The following CLUH variants were observed in gnomAD, a reference collection of about 807,000 sequenced individuals.
CLUH encodes the protein CLUH binding protein of NUMT mRNA, also known as clustered mitochondria protein homolog.
A neutral mutation model predicts 139.3 loss-of-function variants in CLUH; 77 were observed. That is an observed-to-expected ratio of 0.55 (90% CI 0.46 to 0.67). The LOEUF (loss-of-function observed/expected upper bound fraction) is 0.67. Among genes scored for constraint, CLUH ranks in the 30% least tolerant of loss-of-function variants. The pLI, the probability that CLUH is intolerant of heterozygous loss-of-function variation, is 0.00. For missense variants in CLUH, 1,876 were observed against 1,875.8 expected (o/e 1.00, Z 0.00); for synonymous variants, 999 against 801.6 (o/e 1.25, Z -4.16).
chr17:2,708,103 C>T (rs2070400306), intron 1 of CLUH: 3 of 653,646 alleles, frequency 4.6e-6, no homozygotes, highest in Non-Finnish European at 5.7e-6. Context: ...GGCCAGGGCG[C>T]CTTCCCAGGG....
At chr17:2,709,605 G>A (rs953358907) in intron 1 of CLUH, among the ~76,000 whole-genome samples, 1 of 152,088 alleles carries the variant, frequency 6.6e-6, no homozygotes, top group Non-Finnish European at 1.5e-5. Context: ...TGAAAAACCT[G>A]CCTGTTCTCT....
rs2070276854 is a variant in CLUH at position 2,704,133 on chromosome 17, G to C, written c.303+229C>G. Among the ~76,000 whole-genome samples the C allele has an allele frequency of 6.6e-6, 1 of 152,160 alleles. No homozygotes were observed. Among genetic ancestry groups the C allele is most frequent in the Non-Finnish European group, 1.5e-5 (1 of 68,024 alleles). On this transcript the variant is annotated intron_variant, in intron 2 of 25. Transcript: ENST00000651024. This position sits in a 1 kb window ranked among gnomAD's most constrained non-coding sequence, Gnocchi z 5.7. The stretch of plus-strand genomic sequence containing the variant: ...CACTATCACTCCCCTCCCCACATAG[G>C]GCTGGCAGGCCCAGCTGGTTGCTGT...
rs1401933207 is a variant in CLUH at position 2,696,146 on chromosome 17, G to A, written c.2391+13C>T. ...CACACAAGCCCCACCCAGCCCCGCA[G>A]CCCCTCCCTCACCAAGCCAGGGATC... On this transcript the variant is annotated intron_variant, in intron 13 of 25. Transcript: ENST00000651024. 3.2e-6 allele frequency: 5 copies of A among 1,544,670 alleles called. No individual in the cohort carries two copies. Among genetic ancestry groups the A allele is most frequent in the Admixed American group, 3.9e-5 (2 of 51,276 alleles).
chr17:2,698,433 T>C lies in CLUH; in HGVS notation c.1424A>G (p.Lys475Arg), dbSNP rs777960112. The C allele has an allele frequency of 7.4e-5, 119 of 1,613,188 alleles. No homozygotes were observed. In the Admixed American group the frequency reaches 1.9e-3, roughly 26 times the overall value. Reference sequence around the variant, plus strand: ...GGCCGCCACGTCCCCCCCGAAGTCCTTGTAGTGGTCTCGGACGTCGAAGCC... The same window carrying C: ...GGCCGCCACGTCCCCCCCGAAGTCCCTGTAGTGGTCTCGGACGTCGAAGCC... ...SLGFDVRDHY[K>R]DFGGDVAAYV... Residue 475 changes from lysine to arginine, a missense_variant, in exon 10 of 26, where the codon AAG becomes AGG. By Grantham distance (26) the Lys-to-Arg change is conservative (BLOSUM62 2). Transcript: ENST00000651024.
chr17:2,704,864 G>A lies in CLUH; in HGVS notation c.101-300C>T, dbSNP rs1310671661. On this transcript the variant is annotated intron_variant, in intron 1 of 25. Coordinates refer to ENST00000651024, the MANE Select transcript of CLUH (RefSeq NM_001366661.1). This position sits in a 1 kb window ranked among gnomAD's most constrained non-coding sequence, Gnocchi z 5.7. ...CAAGCCAAGCCCGAGGGTCTCCTCC[G>A]GCCCTAACACACCTAGCTTCCCAGC... 2.0e-5 allele frequency among the ~76,000 whole-genome samples: 3 copies of A among 152,028 alleles called. No homozygotes were observed. The highest frequency in any genetic ancestry group is 2.9e-5 in the Non-Finnish European group (2 of 67,996).
chr17:2,701,132 G>C lies in CLUH; in HGVS notation c.1025+8C>G. On this transcript the variant is annotated splice_region_variant and intron_variant, in intron 7 of 25. Coordinates refer to ENST00000651024, the MANE Select transcript of CLUH (RefSeq NM_001366661.1). Reference sequence around the variant, plus strand: ...ATGAGACAAGGCGGGAGGGGACAAAGGCACTACCTTTTCTTCTGCAGCACA... The same window carrying C: ...ATGAGACAAGGCGGGAGGGGACAAACGCACTACCTTTTCTTCTGCAGCACA... 6.2e-7 allele frequency: 1 copy of C among 1,613,848 alleles called. No individual in the cohort carries two copies. Among genetic ancestry groups the C allele is most frequent in the Non-Finnish European group, 8.5e-7 (1 of 1,179,874 alleles).
At position 2,704,741 on chromosome 17, in the gene CLUH, C is replaced by T. The variant is rs1055617305; in HGVS notation, c.101-177G>A. Among the ~76,000 whole-genome samples, 7 of 152,220 alleles carry T rather than the reference C, an allele frequency of 4.6e-5. No homozygotes were observed. The highest frequency in any genetic ancestry group is 1.9e-4 in the East Asian group (1 of 5,154). Reference sequence around the variant, plus strand: ...CCTGCAGGCCACTTCCACACCCAGCCGCCCCTCCCAGCCACTGTTCCCTGG... The same window carrying T: ...CCTGCAGGCCACTTCCACACCCAGCTGCCCCTCCCAGCCACTGTTCCCTGG... On this transcript the variant is annotated intron_variant, in intron 1 of 25. Transcript: ENST00000651024. The surrounding 1 kb of genome is among the most constrained non-coding windows in gnomAD (Gnocchi z 5.7).
chr17:2,700,254 T>C (rs1390588171), intron 9 of CLUH, 128 bp downstream of exon 9: 1 of 788,398 alleles, frequency 1.3e-6, no homozygotes, highest in East Asian at 2.7e-5. Context: ...AGACGCTGAC[T>C]GGCCTTCGGG....
At chr17:2,701,056 C>A (rs1244663547) in intron 7 of CLUH, 84 bp downstream of exon 7, 9 of 1,602,964 alleles carry the variant, frequency 5.6e-6, no homozygotes, top group African/African-American at 5.3e-5. Context: ...TTTCTTCAGA[C>A]AGAAGCACTG....
At chr17:2,692,925 C>A in intron 19 of CLUH, 65 bp from the exon 20 acceptor site, 1 of 1,465,190 alleles carries the variant, frequency 6.8e-7, no homozygotes, top group Non-Finnish European at 9.1e-7. Flanking sequence ...GCCCGCCTGG[C>A]CCCGGCCCAG....
At chr17:2,702,846 C>T (rs140708212) in intron 3 of CLUH, among the ~76,000 whole-genome samples, 3,046 of 149,646 alleles carry the variant, frequency 0.02, 51 homozygotes, top group Middle Eastern at 0.041. Context: ...TTTTTTGAGA[C>T]GGAGTTTCGT....
In CLUH at chr17:2,698,260, C is replaced by G. The variant is rs767276034; in HGVS notation, c.1597G>C (p.Asp533His). The G allele has an allele frequency of 6.2e-7, 1 of 1,607,958 alleles. No homozygotes were observed. Among genetic ancestry groups the G allele is most frequent in the Non-Finnish European group, 8.5e-7 (1 of 1,177,726 alleles). The change falls in exon 10 of 26, where the codon GAC becomes CAC. Residue 533 changes from aspartate to histidine, a missense_variant. By Grantham distance (81) the Asp-to-His change is moderately conservative (BLOSUM62 -1). Coordinates refer to ENST00000651024, the MANE Select transcript of CLUH (RefSeq NM_001366661.1). ...CCGTAGATGACGCTCTGCTCCTGGT[C>G]CCGCTCCAGGATGCCGGGGATGATG... ...QSIIPGILER[D>H]QEQSVIYGSI...
chr17:2,704,656 A>T lies in CLUH; in HGVS notation c.101-92T>A. 3 of 1,234,816 alleles carry T rather than the reference A, an allele frequency of 2.4e-6. No homozygotes were observed. Among genetic ancestry groups the T allele is most frequent in the Non-Finnish European group, 2.2e-6 (2 of 902,604 alleles). The allele number at this position is 1,234,816 out of a possible 1,614,324, so 76.5% of individuals were successfully genotyped here. On this transcript the variant is annotated intron_variant, in intron 1 of 25. Transcript: ENST00000651024. The surrounding 1 kb of genome is among the most constrained non-coding windows in gnomAD (Gnocchi z 5.7). ...CCACACGGGGACACGTGCCTTCTGG[A>T]AAGGCATCTGCATGCCCTCGAGAGT...
At chr17:2,699,359 T>C (rs2070093745) in intron 9 of CLUH, among the ~76,000 whole-genome samples, 1 of 152,216 alleles carries the variant, frequency 6.6e-6, no homozygotes, top group Non-Finnish European at 1.5e-5. Flanking sequence ...GGTATCACGC[T>C]GTTGCCAAGG....
chr17:2,694,606 G>A lies in CLUH; in HGVS notation c.2853-42C>T, dbSNP rs373397779. Reference sequence around the variant, plus strand: ...GGGCCTGAGCAGCCCAAGCACCGCCGGGCCCCCCCAACACCGCCCCACCCA... The same window carrying A: ...GGGCCTGAGCAGCCCAAGCACCGCCAGGCCCCCCCAACACCGCCCCACCCA... On this transcript the variant is annotated intron_variant, in intron 16 of 25. Transcript: ENST00000651024. 9.4e-4 allele frequency: 1,426 copies of A among 1,519,422 alleles called. 15 individuals carry two copies. The African/African-American group carries it at 0.016, about 17-fold the overall frequency. 94.1% of individuals were successfully genotyped at this position (1,519,422 alleles called of 1,614,324 possible).
intron 1 of CLUH, among the ~76,000 whole-genome samples, chr17:2,710,550 G>A (rs139082237): frequency 2.6e-5 from 4 of 152,330 alleles, no homozygotes; most frequent in Admixed American, 2.0e-4. Flanking sequence ...GGGGACAGGA[G>A]TAGCTCTGCA....
Position 2,690,592 on chromosome 17 carries a change from CTCTA to C in CLUH, c.4045_*1del. 6.8e-7 allele frequency: 1 copy of C among 1,466,946 alleles called. No individual in the cohort carries two copies. The highest frequency in any genetic ancestry group is 9.0e-7 in the Non-Finnish European group (1 of 1,110,148). The allele number at this position is 1,466,946 out of a possible 1,614,324, so 90.9% of individuals were successfully genotyped here. ...TGGCTGGCTGTCCGTCTGGCTCCCT[CTCTA>C]TCCCTGCACGCTCGGAGAAGGGTCC... On this transcript the variant is annotated stop_lost and 3_prime_UTR_variant, in exon 26 of 26. Transcript: ENST00000651024.
In CLUH at chr17:2,701,184, G is replaced by C. The variant is rs2070165124; in HGVS notation, c.981C>G (p.Ile327Met). ...SHSLVELLNQ[I>M]SPTFKKNFAV... The stretch of plus-strand genomic sequence containing the variant: ...CGAAGTTCTTCTTGAAGGTCGGGCT[G>C]ATCTGGTTGAGCAGCTCCACTAGGG... Residue 327 changes from isoleucine (I) to methionine (M), a missense_variant, in exon 7 of 26, where the codon ATC becomes ATG. This residue lies in a region of CLUH where 270 missense variants were observed against 354.7 expected (regional missense o/e 0.76). Transcript: ENST00000651024. 1 of 1,613,914 alleles carries C rather than the reference G, an allele frequency of 6.2e-7. No homozygotes were observed. Among genetic ancestry groups the C allele is most frequent in the African/African-American group, 1.3e-5 (1 of 74,944 alleles).
At chr17:2,694,743 TTCTC>T (rs752712740) in intron 16 of CLUH, 110 bp downstream of exon 16, 64 of 1,405,228 alleles carry the variant, frequency 4.6e-5, no homozygotes, top group Non-Finnish European at 5.7e-5. Context: ...CTGCTCCCTC[TTCTC>T]TCTGACTCCC....
Sources: gnomAD v4.1 joint callset for allele counts (sites outside exome capture counted in the v4.1 genomes callset) on GRCh38, gnomAD v4.1.1 for gene constraint, gnomAD v4.1.1 regional missense constraint, Gnocchi (gnomAD v3.1) non-coding constraint, MANE v1.5 for transcripts, NCBI Gene and HGNC (gene_info 2026-07-23, HGNC 2026-07-21) for gene names.